CDH2: variants seen among roughly 807,000 people sequenced by gnomAD.
CDH2 encodes cadherin-2.
Under a neutral mutation model 92.0 loss-of-function variants are expected in CDH2, and 17 were observed. The observed-to-expected ratio is 0.18, with a 90% confidence interval of 0.13 to 0.28. CDH2 has a LOEUF of 0.28. CDH2 is among the 10% of genes least tolerant of loss of function. CDH2 has a pLI of 1.00. For synonymous variants in CDH2, 419 were observed against 415.9 expected (o/e 1.01, Z -0.09); for missense variants, 862 against 1,133.1 (o/e 0.76, Z 3.44).
chr18:28,141,004 A>G (rs2015944527), intron 2 of CDH2, among the ~76,000 whole-genome samples: 1 of 151,718 alleles, frequency 6.6e-6, no homozygotes. Context: ...GATACAATCA[A>G]AATAAATGTA....
In CDH2 at chr18:28,143,655, T is replaced by C. The variant is rs1234171407; in HGVS notation, c.172+4018A>G. ...AAGTGGCCACAAGACACCTGGATAT[T>C]TAGGCTGGATCCTTTCTCTGTGTTA... On this transcript the variant is annotated intron_variant, in intron 2 of 15. Coordinates refer to ENST00000269141, the MANE Select transcript of CDH2 (RefSeq NM_001792.5). Among the ~76,000 whole-genome samples the C allele has an allele frequency of 2.1e-5, 3 of 142,112 alleles. No individual in the cohort carries two copies. The East Asian group carries it at 6.3e-4, about 30-fold the overall frequency. 93.2% of individuals were successfully genotyped at this position (142,112 alleles called of 152,430 possible).
chr18:27,995,028 A>T (rs11564417), intron 7 of CDH2, among the ~76,000 whole-genome samples: 5,089 of 152,136 alleles, frequency 0.033, 145 homozygotes, highest in Middle Eastern at 0.075. Flanking sequence ...AACATAGGCT[A>T]AGGGCTAGGT....
chr18:27,942,883 G>T (rs1318035559), intron 6 of CDH2, among the ~76,000 whole-genome samples: 1 of 152,120 alleles, frequency 6.6e-6, no homozygotes, highest in Non-Finnish European at 1.5e-5. Context: ...AGACTGATGA[G>T]TAAGAACGCT....
downstream of CDH2, among the ~76,000 whole-genome samples, chr18:27,948,090 T>C (rs1909321537): frequency 6.6e-6 from 1 of 151,022 alleles, no homozygotes; most frequent in South Asian, 2.1e-4. Flanking sequence ...GGGTTTATAC[T>C]GAAGTTTTTA....
At chr18:28,127,555 A>T (rs573070107) in intron 2 of CDH2, among the ~76,000 whole-genome samples, 2 of 152,328 alleles carry the variant, frequency 1.3e-5, no homozygotes, top group East Asian at 3.9e-4. Flanking sequence ...TCCTAAAATA[A>T]TGCTCATTTC....
chr18:27,958,534 C>T (rs1267774807), intron 15 of CDH2, among the ~76,000 whole-genome samples: 7 of 148,600 alleles, frequency 4.7e-5, no homozygotes, highest in Non-Finnish European at 4.5e-5. Flanking sequence ...TTTGTATATA[C>T]ACATATATAA....
chr18:27,992,743 A>T lies in CDH2; in HGVS notation c.1256T>A (p.Val419Glu), dbSNP rs758537458. Reference protein sequence around the residue: ...DQPHTPAWNAVYRISGGDPTG... With the variant: ...DQPHTPAWNAEYRISGGDPTG... ...AGGATCTCCGCCACTGATTCTGTAC[A>T]CTGCGTTCCAGGCTGGTGTATGGGG... Residue 419 changes from valine (V) to glutamate (E), a missense_variant, in exon 9 of 16, where the codon GTG becomes GAG. This residue lies in a region of CDH2 where 564 missense variants were observed against 722.2 expected (regional missense o/e 0.78). Transcript: ENST00000269141. 1.9e-6 allele frequency: 3 copies of T among 1,614,082 alleles called. No individual in the cohort carries two copies. The South Asian group carries it at 3.3e-5, about 18-fold the overall frequency.
At chr18:27,980,905 G>C (rs1348495125) in intron 14 of CDH2, among the ~76,000 whole-genome samples, 1 of 151,830 alleles carries the variant, frequency 6.6e-6, no homozygotes, top group Non-Finnish European at 1.5e-5. Flanking sequence ...TACAATAGAT[G>C]AGTTTTACCA....
At chr18:28,039,608 T>TCG (rs2013909188) in intron 2 of CDH2, among the ~76,000 whole-genome samples, 1 of 152,160 alleles carries the variant, frequency 6.6e-6, no homozygotes, top group African/African-American at 2.4e-5. Flanking sequence ...GGTTTCTAGC[T>TCG]CACACTTACT....
chr18:27,985,236 A>T lies in CDH2; in HGVS notation c.1976-3T>A. 6.4e-7 allele frequency: 1 copy of T among 1,555,236 alleles called. No individual in the cohort carries two copies. Among genetic ancestry groups the T allele is most frequent in the Non-Finnish European group, 8.9e-7 (1 of 1,127,732 alleles). ...TAAATTAAGCTGAGCAAAATCACCT[A>T]TATGAAAAAGGAAAAACATAGTTTG... On this transcript the variant is annotated splice_polypyrimidine_tract_variant and splice_region_variant and intron_variant, in intron 12 of 15. Transcript: ENST00000269141.
intron 1 of CDH2, among the ~76,000 whole-genome samples, chr18:28,167,614 C>T (rs923179471): frequency 9.9e-5 from 15 of 151,996 alleles, no homozygotes; most frequent in African/African-American, 2.7e-4. Context: ...CACTGAGGGA[C>T]GGTTAAAATT....
In CDH2 at chr18:27,951,894, GA is replaced by G; in HGVS notation, c.*258del. The stretch of plus-strand genomic sequence containing the variant: ...TTAAACAGAAAACTAATTCCAATCT[GA>G]AAAAGGTACAAAAAGGCACATAAAA... On this transcript the variant is annotated 3_prime_UTR_variant, in exon 16 of 16. Transcript: ENST00000269141. 1.8e-5 allele frequency: 8 copies of G among 453,672 alleles called. No individual in the cohort carries two copies. Among genetic ancestry groups the G allele is most frequent in the East Asian group, 3.9e-5 (1 of 25,764 alleles). 28.1% of individuals were successfully genotyped at this position (453,672 alleles called of 1,614,324 possible). A position where few individuals can be genotyped will look rare whatever the true frequency, so the allele number is the denominator to read the frequency against.
At chr18:28,142,441 C>A (rs2015969333) in intron 2 of CDH2, among the ~76,000 whole-genome samples, 1 of 149,388 alleles carries the variant, frequency 6.7e-6, no homozygotes, top group African/African-American at 2.5e-5. Context: ...TAAAAAATTC[C>A]AAGTATTAAA....
chr18:28,011,959 T>C lies in CDH2; in HGVS notation c.433A>G (p.Arg145Gly), dbSNP rs755964535. The stretch of plus-strand genomic sequence containing the variant: ...TGGCCACTGTGCTTACTGAATTGTC[T>C]TGGGAACACTATTTCTTCAACTTCT... ...SAEVEEIVFP[R>G]QFSKHSGHLQ... The change falls in exon 4 of 16, where the codon AGA becomes GGA. Residue 145 changes from arginine to glycine, a missense_variant. By Grantham distance (125) the Arg-to-Gly change is moderately radical. Coordinates refer to ENST00000269141, the MANE Select transcript of CDH2 (RefSeq NM_001792.5). 6.2e-7 allele frequency: 1 copy of C among 1,613,974 alleles called. No homozygotes were observed. The highest frequency in any genetic ancestry group is 8.5e-7 in the Non-Finnish European group (1 of 1,179,892).
chr18:28,138,141 T>C (rs1253542461), intron 2 of CDH2, among the ~76,000 whole-genome samples: 1 of 152,032 alleles, frequency 6.6e-6, no homozygotes, highest in Non-Finnish European at 1.5e-5. Flanking sequence ...CAAATGAGGA[T>C]TTAAAATAAG....
intron 2 of CDH2, among the ~76,000 whole-genome samples, chr18:28,127,498 A>G (rs1169549491): frequency 6.6e-6 from 1 of 150,724 alleles, no homozygotes; most frequent in Non-Finnish European, 1.5e-5. Context: ...CGCAATGGTC[A>G]AGCCAATTTT....
intron 1 of CDH2, among the ~76,000 whole-genome samples, chr18:28,149,369 C>T (rs895396425): frequency 6.6e-6 from 1 of 152,184 alleles, no homozygotes; most frequent in Non-Finnish European, 1.5e-5. Flanking sequence ...TTTATCCAAA[C>T]AGCTACATCT....
At chr18:28,138,034 G>A (rs1214568327) in intron 2 of CDH2, among the ~76,000 whole-genome samples, 2 of 151,930 alleles carry the variant, frequency 1.3e-5, no homozygotes, top group African/African-American at 4.8e-5. Context: ...ATGTGTGTGT[G>A]TCTGGATGTG....
rs965392957 is a variant in CDH2 at position 28,086,359 on chromosome 18, G to A, written c.172+61314C>T. On this transcript the variant is annotated intron_variant, in intron 2 of 15. Coordinates refer to ENST00000269141, the MANE Select transcript of CDH2 (RefSeq NM_001792.5). ...ATTTCCTCTACTACTGTATAGTTCC[G>A]TAAATCTCTCGGTCAAACTTTGCTA... 2.6e-5 allele frequency among the ~76,000 whole-genome samples: 4 copies of A among 151,688 alleles called. No homozygotes were observed. The East Asian group carries it at 5.8e-4, about 22-fold the overall frequency.
Sources: gnomAD v4.1 joint callset for allele counts (sites outside exome capture counted in the v4.1 genomes callset) on GRCh38, gnomAD v4.1.1 for gene constraint, gnomAD v4.1.1 regional missense constraint, MANE v1.5 for transcripts, NCBI Gene and HGNC (gene_info 2026-07-23, HGNC 2026-07-21) for gene names.